KIF16B: variants seen among roughly 807,000 people sequenced by gnomAD.
KIF16B encodes the protein kinesin family member 16B.
In KIF16B, 98 loss-of-function variants were observed where a neutral mutation model predicts 156.3. The observed-to-expected ratio is 0.63, with a 90% CI of 0.53 to 0.74. KIF16B has a LOEUF of 0.74. KIF16B is among the 30% of genes least tolerant of loss of function. KIF16B has a pLI of 0.00. For missense variants in KIF16B, 1,421 were observed against 1,606.5 expected, an observed-to-expected ratio of 0.88 and a Z score of 1.97; for synonymous variants, 564 against 583.7, an observed-to-expected ratio of 0.97 and a Z score of 0.49.
intron 12 of KIF16B, among the ~76,000 whole-genome samples, chr20:16,459,599 G>A (rs534392445): frequency 1.3e-5 from 2 of 152,166 alleles, no homozygotes. Context: ...TGTGGAGGCT[G>A]CTTTCATCCT....
At chr20:16,353,364 A>G (rs1312198142) in intron 23 of KIF16B, among the ~76,000 whole-genome samples, 1 of 152,228 alleles carries the variant, frequency 6.6e-6, no homozygotes, top group East Asian at 1.9e-4. Flanking sequence ...AACAACCAAA[A>G]AGAAAAAAAA....
At chr20:16,375,233 C>T (rs1291727563) in intron 19 of KIF16B, among the ~76,000 whole-genome samples, 1 of 152,224 alleles carries the variant, frequency 6.6e-6, no homozygotes, top group Admixed American at 6.5e-5. Context: ...GCAGTCCACT[C>T]ACTGTGTGAG....
chr20:16,463,817 G>A (rs1305494981), intron 12 of KIF16B, among the ~76,000 whole-genome samples: 2 of 152,140 alleles, frequency 1.3e-5, no homozygotes, highest in East Asian at 1.9e-4. Context: ...AAAATTAAAG[G>A]AGGACCAAAT....
intron 25 of KIF16B, among the ~76,000 whole-genome samples, chr20:16,290,506 G>C (rs1249527172): frequency 6.6e-6 from 1 of 152,218 alleles, no homozygotes; most frequent in East Asian, 1.9e-4. Context: ...GGGCAAGAGG[G>C]TAAGCTTTTG....
At chr20:16,516,800 G>T (rs1432473286) in intron 3 of KIF16B, among the ~76,000 whole-genome samples, 2 of 152,186 alleles carry the variant, frequency 1.3e-5, no homozygotes, top group South Asian at 2.1e-4. Flanking sequence ...AAGTCCAATG[G>T]CCAGGCCAGT....
chr20:16,505,366 G>A lies in KIF16B; in HGVS notation c.1000+356C>T, dbSNP rs1308380338. 2.6e-5 allele frequency among the ~76,000 whole-genome samples: 4 copies of A among 151,280 alleles called. No homozygotes were observed. The East Asian group carries it at 7.8e-4, about 29-fold the overall frequency. On this transcript the variant is annotated intron_variant, in intron 9 of 25. Coordinates refer to ENST00000354981, the MANE Select transcript of KIF16B (RefSeq NM_024704.5). ...CTCCCAATTCTTACTTTTAAATTCCGCATTTACTGCCTTAAATAAAAAAAC... is the reference window on the plus strand; with the variant it reads ...CTCCCAATTCTTACTTTTAAATTCCACATTTACTGCCTTAAATAAAAAAAC...
At chr20:16,524,077 G>T (rs2147129557) in intron 3 of KIF16B, among the ~76,000 whole-genome samples, 1 of 152,222 alleles carries the variant, frequency 6.6e-6, no homozygotes, top group Non-Finnish European at 1.5e-5. Flanking sequence ...AACCATAGAA[G>T]AAAACCTAGG....
intron 19 of KIF16B, 34 bp from the exon 20 acceptor site, chr20:16,374,443 A>G: frequency 6.8e-7 from 1 of 1,473,780 alleles, no homozygotes; most frequent in East Asian, 2.4e-5. Flanking sequence ...TTCATTCATT[A>G]ATAGTATTTC....
At chr20:16,512,977 G>A in intron 4 of KIF16B, 54 bp from the exon 5 acceptor site, 7 of 1,330,960 alleles carry the variant, frequency 5.3e-6, no homozygotes, top group Non-Finnish European at 7.5e-6. Context: ...AGCAACTGAT[G>A]ACTGAATTTG....
chr20:16,312,845 C>G (rs35123649), intron 24 of KIF16B, among the ~76,000 whole-genome samples: 1 of 150,482 alleles, frequency 6.6e-6, no homozygotes, highest in Non-Finnish European at 1.5e-5. Context: ...AACCTACACA[C>G]TACCTGAACA....
At chr20:16,432,889 G>T (rs2066539424) in intron 12 of KIF16B, among the ~76,000 whole-genome samples, 1 of 152,176 alleles carries the variant, frequency 6.6e-6, no homozygotes, top group Non-Finnish European at 1.5e-5. Context: ...GCGTGTCATT[G>T]TTCTTCAATT....
chr20:16,565,013 ACTCCTAC>A (rs151327835), intron 1 of KIF16B, among the ~76,000 whole-genome samples: 4,757 of 151,786 alleles, frequency 0.031, 245 homozygotes, highest in African/African-American at 0.11. Context: ...TTGATCCTCC[ACTCCTAC>A]CTCCTGAAAT....
intron 17 of KIF16B, chr20:16,381,962 G>T: frequency 1.2e-6 from 1 of 805,278 alleles, no homozygotes; most frequent in East Asian, 2.9e-5. Context: ...AGGCTGAAAA[G>T]AACAGATTTT....
At chr20:16,470,096 T>A (rs1051673599) in intron 12 of KIF16B, among the ~76,000 whole-genome samples, 5 of 152,186 alleles carry the variant, frequency 3.3e-5, no homozygotes, top group African/African-American at 1.2e-4. Flanking sequence ...AAAAGGCTCA[T>A]ATGGTATGAT....
chr20:16,546,154 G>C (rs2070397273), intron 1 of KIF16B, among the ~76,000 whole-genome samples: 1 of 152,150 alleles, frequency 6.6e-6, no homozygotes, highest in African/African-American at 2.4e-5. Flanking sequence ...ATTGGGAGAG[G>C]GGGCACTAGG....
At chr20:16,469,128 T>C (rs1214119775) in intron 12 of KIF16B, among the ~76,000 whole-genome samples, 1 of 151,878 alleles carries the variant, frequency 6.6e-6, no homozygotes, top group Non-Finnish European at 1.5e-5. Context: ...GGTGCATGTA[T>C]GTAGTACCAG....
At chr20:16,438,568 A>G (rs925249322) in intron 12 of KIF16B, among the ~76,000 whole-genome samples, 11 of 152,126 alleles carry the variant, frequency 7.2e-5, no homozygotes, top group African/African-American at 1.2e-4. Flanking sequence ...GCGGGGGCCT[A>G]TTGTATTCTA....
At chr20:16,319,689 T>C (rs2063746643) in intron 24 of KIF16B, among the ~76,000 whole-genome samples, 1 of 152,186 alleles carries the variant, frequency 6.6e-6, no homozygotes, top group East Asian at 1.9e-4. Context: ...TTAAAATCTC[T>C]GAGGGGGGCC....
chr20:16,404,924 G>C (rs753353209), intron 16 of KIF16B, 23 bp from the exon 17 acceptor site: 2 of 1,580,180 alleles, frequency 1.3e-6, no homozygotes, highest in African/African-American at 2.7e-5. Flanking sequence ...ACAGGGCAGA[G>C]TGGTTACCTT....
Sources: allele counts gnomAD v4.1 joint callset (sites outside exome capture counted in the v4.1 genomes callset), GRCh38; gene constraint gnomAD v4.1.1; transcripts MANE v1.5; gene names NCBI Gene and HGNC (gene_info 2026-07-23, HGNC 2026-07-21).